The following LAMA4 variants were observed in gnomAD, a reference collection of about 807,000 sequenced individuals.
The protein encoded by LAMA4 is laminin subunit alpha 4.
LAMA4 carries 127 observed loss-of-function variants against 207.1 expected under a neutral mutation model. The observed-to-expected ratio is 0.61, with a 90% CI of 0.53 to 0.71. LAMA4 has a LOEUF of 0.71. Ranked by LOEUF, LAMA4 falls within the 30% of genes least tolerant of loss-of-function variation. The probability of loss-of-function intolerance (pLI) is 0.00; values close to 1 mark genes in which losing one functional copy is unlikely to be tolerated. For synonymous variants in LAMA4, 761 were observed against 816.0 expected (o/e 0.93, Z 1.15); for missense variants, 2,093 against 2,246.5 (o/e 0.93, Z 1.38).
chr6:112,191,506 G>T, intron 6 of LAMA4, 130 bp downstream of exon 6: 1 of 720,918 alleles, frequency 1.4e-6, no homozygotes. Context: ...TCCTGAGAAT[G>T]TACATTGCCC....
chr6:112,116,968 A>G (rs1271199555), intron 35 of LAMA4, among the ~76,000 whole-genome samples: 2 of 152,140 alleles, frequency 1.3e-5, no homozygotes, highest in Non-Finnish European at 2.9e-5. Flanking sequence ...TCTGCTGGAT[A>G]TGGTGGTGGT....
chr6:112,113,738 G>T (rs1554322218), intron 38 of LAMA4, among the ~76,000 whole-genome samples: 1 of 152,192 alleles, frequency 6.6e-6, no homozygotes. Flanking sequence ...AAAGTTCTCA[G>T]ATCCTACTGT....
intron 13 of LAMA4, among the ~76,000 whole-genome samples, chr6:112,163,553 G>A (rs1554339042): frequency 6.6e-6 from 1 of 152,084 alleles, no homozygotes; most frequent in African/African-American, 2.4e-5. Flanking sequence ...AGAAAGCCCG[G>A]GAGAGACAGG....
chr6:112,140,654 G>T, intron 22 of LAMA4, 106 bp downstream of exon 22: 1 of 1,000,998 alleles, frequency 1.0e-6, no homozygotes. Flanking sequence ...CATGAACTAA[G>T]CTCTTAAAGT....
chr6:112,214,947 A>G (rs1554358154), intron 3 of LAMA4, among the ~76,000 whole-genome samples: 2 of 152,270 alleles, frequency 1.3e-5, no homozygotes, highest in Admixed American at 6.5e-5. Context: ...AATTTATCTC[A>G]GTCTTGCATA....
At chr6:112,122,740 G>A (rs904022326) in intron 31 of LAMA4, among the ~76,000 whole-genome samples, 12 of 152,188 alleles carry the variant, frequency 7.9e-5, no homozygotes, top group African/African-American at 2.4e-4. Flanking sequence ...TAAACACATT[G>A]TGCTCTTAAA....
Position 112,178,244 on chromosome 6 carries a change from C to G in LAMA4, c.1078-12G>C. The G allele has an allele frequency of 6.4e-7, 1 of 1,572,694 alleles. No individual in the cohort carries two copies. On this transcript the variant is annotated splice_polypyrimidine_tract_variant and intron_variant, in intron 9 of 38. Coordinates refer to ENST00000230538, the MANE Select transcript of LAMA4 (RefSeq NM_001105206.3). ...GAGGCTTGATTTTCCTACAAATAAT[C>G]CGTATAAAGGCTAGATTAAATGTAT...
intron 2 of LAMA4, among the ~76,000 whole-genome samples, chr6:112,238,592 A>C (rs535346209): frequency 6.6e-6 from 1 of 152,100 alleles, no homozygotes; most frequent in Non-Finnish European, 1.5e-5. Context: ...CTGTAGTCCC[A>C]GCTACTCCAG....
chr6:112,120,517 G>T, intron 32 of LAMA4, 45 bp from the exon 33 acceptor site: 2 of 1,424,760 alleles, frequency 1.4e-6, no homozygotes, highest in Non-Finnish European at 2.0e-6. Flanking sequence ...AAATGAGACT[G>T]AGGATAATCT....
intron 19 of LAMA4, among the ~76,000 whole-genome samples, chr6:112,142,835 C>T (rs143965275): frequency 7.9e-5 from 12 of 152,264 alleles, no homozygotes; most frequent in African/African-American, 2.9e-4. Flanking sequence ...AACTATGTAA[C>T]CTTGAGCAAG....
At chr6:112,154,657 T>TTA (rs35051982) in intron 16 of LAMA4, 194 bp downstream of exon 16, 2 of 370,770 alleles carry the variant, frequency 5.4e-6, no homozygotes, top group African/African-American at 9.8e-5. Flanking sequence ...CTACATAGCA[T>TTA]TTTTTTTTTC....
chr6:112,161,483 G>T (rs1781047775), intron 13 of LAMA4, among the ~76,000 whole-genome samples: 1 of 152,164 alleles, frequency 6.6e-6, no homozygotes, highest in Non-Finnish European at 1.5e-5. Context: ...GTGGAAAATA[G>T]ACCATGGACA....
intron 3 of LAMA4, among the ~76,000 whole-genome samples, chr6:112,212,226 ATTTTTTT>A (rs11343230): frequency 7.0e-6 from 1 of 143,552 alleles, no homozygotes; most frequent in Admixed American, 6.9e-5. Flanking sequence ...AGTTTCTGTC[ATTTTTTT>A]TTTTTTTTTT....
chr6:112,141,281 T>C (rs951349135), intron 21 of LAMA4, 77 bp downstream of exon 21: 1 of 1,224,932 alleles, frequency 8.2e-7, no homozygotes, highest in African/African-American at 1.5e-5. Context: ...TGTGTGTGTG[T>C]GTGCACGCAC....
At position 112,187,568 on chromosome 6, in the gene LAMA4, T is replaced by C. The variant is rs9400522; in HGVS notation, c.848A>G (p.Asp283Gly). The C allele has an allele frequency of 3.7e-6, 6 of 1,614,042 alleles. No individual in the cohort carries two copies. Among genetic ancestry groups the C allele is most frequent in the East Asian group, 2.2e-5 (1 of 44,844 alleles). Residue 283 changes from aspartate (D) to glycine (G), a missense_variant, in exon 8 of 39, where the codon GAC becomes GGC. Asp to Gly is a moderately conservative substitution (Grantham distance 94, BLOSUM62 -1). Transcript: ENST00000230538. ...CDKCVWDLTD[D>G]LRLAALSIEE... ...GATGGAGAGCGCTGCTAACCGCAGG[T>C]CATCAGTCAGGTCCCAGACGCACTT...
chr6:112,249,228 A>AG (rs1554189223), intron 2 of LAMA4, among the ~76,000 whole-genome samples: 1 of 152,070 alleles, frequency 6.6e-6, no homozygotes, highest in Non-Finnish European at 1.5e-5. Flanking sequence ...GTGGATCATA[A>AG]GGTCAGGTGA....
intron 3 of LAMA4, among the ~76,000 whole-genome samples, chr6:112,214,246 T>A (rs1317801222): frequency 6.6e-6 from 1 of 152,024 alleles, no homozygotes; most frequent in Non-Finnish European, 1.5e-5. Flanking sequence ...TTTTTCTTTT[T>A]TTCTTTTGTT....
intron 5 of LAMA4, among the ~76,000 whole-genome samples, chr6:112,197,901 A>G (rs1419066764): frequency 2.0e-5 from 3 of 152,200 alleles, no homozygotes; most frequent in African/African-American, 7.2e-5. Context: ...CTCTTATTAT[A>G]ACGTGACACA....
At chr6:112,126,868 T>C (rs1778723757) in intron 31 of LAMA4, among the ~76,000 whole-genome samples, 1 of 152,230 alleles carries the variant, frequency 6.6e-6, no homozygotes, top group African/African-American at 2.4e-5. Context: ...ATATGTTCTT[T>C]CAAATGCTGT....
Sources: allele counts gnomAD v4.1 joint callset (sites outside exome capture counted in the v4.1 genomes callset), GRCh38; gene constraint gnomAD v4.1.1; transcripts MANE v1.5; gene names NCBI Gene and HGNC (gene_info 2026-07-23, HGNC 2026-07-21).